ZNF577: variants seen among roughly 807,000 people sequenced by gnomAD.
ZNF577 encodes the protein zinc finger protein 577.
In ZNF577, 14 loss-of-function variants were observed where a neutral mutation model predicts 13.9. The ratio of observed to expected loss-of-function variants is 1.00; its 90% CI spans 0.66 to 1.57. ZNF577 has a LOEUF of 1.57. Ranked by LOEUF, ZNF577 falls within the 40% of genes most tolerant of loss-of-function variation. ZNF577 has a pLI of 0.00. For synonymous variants in ZNF577, 203 were observed against 202.9 expected (o/e 1.00, Z 0.00); for missense variants, 555 against 579.2 (o/e 0.96, Z 0.43).
Position 51,877,305 on chromosome 19 carries a change from G to A in ZNF577, c.260C>T (p.Ala87Val), listed in dbSNP as rs761512637. 11 of 1,613,930 alleles carry A rather than the reference G, an allele frequency of 6.8e-6. No homozygotes were observed. Among genetic ancestry groups the A allele is most frequent in the Non-Finnish European group, 7.6e-6 (9 of 1,179,962 alleles). ...ACCTGGACAGATTTGACTGTGGGCTGCTCCTTCTGCTATCCCTGGGGGTTC... is the reference window on the plus strand; with the variant it reads ...ACCTGGACAGATTTGACTGTGGGCTACTCCTTCTGCTATCCCTGGGGGTTC... Reference protein sequence around the residue: ...QGEPPGIAEGAAHSQICPGFV... With the variant: ...QGEPPGIAEGVAHSQICPGFV... Residue 87 changes from alanine to valine, a missense_variant, in exon 5 of 6, where the codon GCA becomes GTA. Coordinates refer to ENST00000638348, the MANE Select transcript of ZNF577 (RefSeq NM_001370449.1).
At chr19:51,854,394 T>A (rs944624063) in intron 5 of ZNF577, among the ~76,000 whole-genome samples, 1 of 151,714 alleles carries the variant, frequency 6.6e-6, no homozygotes, top group African/African-American at 2.4e-5. Flanking sequence ...AGTGCCACGA[T>A]CATGGCTCAC....
At chr19:51,839,439 C>T (rs77259206) in intron 9 of ZNF577, among the ~76,000 whole-genome samples, 185 of 152,168 alleles carry the variant, frequency 1.2e-3, no homozygotes, top group African/African-American at 4.0e-3. Flanking sequence ...CACACACATA[C>T]CCATACACAT....
chr19:51,883,447 G>A (rs1949965393), intron 1 of ZNF577, among the ~76,000 whole-genome samples: 1 of 152,146 alleles, frequency 6.6e-6, no homozygotes, highest in Non-Finnish European at 1.5e-5. Context: ...TTAACTTGTT[G>A]TTCTCTACCT....
chr19:51,873,277 C>T lies in ZNF577; in HGVS notation c.713G>A (p.Gly238Glu). The change falls in exon 6 of 6, where the codon GGA becomes GAA. Residue 238 changes from glycine (G) to glutamate (E), a missense_variant. Transcript: ENST00000638348. ...QLMVHQRTHT[G>E]EKPYRCSKCG... ...TTTGCTGCATCTGTAGGGTTTCTCT[C>T]CTGTATGGGTTCTCTGATGGACCAT... is the stretch of plus-strand genomic sequence containing the variant. 1 of 1,613,296 alleles carries T rather than the reference C, an allele frequency of 6.2e-7. No homozygotes were observed. The highest frequency in any genetic ancestry group is 8.5e-7 in the Non-Finnish European group (1 of 1,179,306).
chr19:51,873,304 A>T lies in ZNF577; in HGVS notation c.686T>A (p.Leu229His). The T allele has an allele frequency of 1.9e-6, 3 of 1,614,162 alleles. No homozygotes were observed. The highest frequency in any genetic ancestry group is 2.5e-6 in the Non-Finnish European group (3 of 1,180,012). ...TGTATGGGTTCTCTGATGGACCATG[A>T]GCTGTGACTTTCTGGAGAAGGCTTT... ...CGKAFSRKSQLMVHQRTHTGE... is the reference protein window; with the variant it reads ...CGKAFSRKSQHMVHQRTHTGE... Residue 229 changes from leucine (L) to histidine (H), a missense_variant, in exon 6 of 6, where the codon CTC becomes CAC. Leu to His is a moderately conservative substitution (Grantham distance 99). Coordinates refer to ENST00000638348, the MANE Select transcript of ZNF577 (RefSeq NM_001370449.1).
At chr19:51,849,618 A>G (rs1269678102) in intron 5 of ZNF577, among the ~76,000 whole-genome samples, 1 of 152,238 alleles carries the variant, frequency 6.6e-6, no homozygotes, top group East Asian at 1.9e-4. Context: ...AGTCTCAAGC[A>G]TTTTGTTATA....
chr19:51,847,676 C>G (rs182953230), intron 5 of ZNF577, among the ~76,000 whole-genome samples: 1 of 152,280 alleles, frequency 6.6e-6, no homozygotes, highest in African/African-American at 2.4e-5. Context: ...TAAAAGCCCT[C>G]AACAACCCCG....
chr19:51,826,946 T>C (rs2084235192), intron 9 of ZNF577, among the ~76,000 whole-genome samples: 1 of 152,088 alleles, frequency 6.6e-6, no homozygotes, highest in Non-Finnish European at 1.5e-5. Context: ...GAAAAACATC[T>C]CAAAAGACTA....
chr19:51,841,849 A>G (rs4802882), intron 8 of ZNF577, among the ~76,000 whole-genome samples: 11,595 of 152,174 alleles, frequency 0.076, 660 homozygotes, highest in South Asian at 0.22. Context: ...AATCTTTCTG[A>G]TGCCAATCAT....
downstream of ZNF577, among the ~76,000 whole-genome samples, chr19:51,865,238 G>A (rs1194187970): frequency 6.6e-6 from 1 of 152,126 alleles, no homozygotes; most frequent in African/African-American, 2.4e-5. Context: ...TGGGATTACA[G>A]GGCACTCGCC....
chr19:51,805,878 G>A (rs940894679), intron 10 of ZNF577, among the ~76,000 whole-genome samples: 2 of 152,194 alleles, frequency 1.3e-5, no homozygotes, highest in Admixed American at 6.5e-5. Context: ...ATGCAAAGCA[G>A]GTGTGGCAGC....
chr19:51,846,137 C>G (rs1475724260), intron 5 of ZNF577, among the ~76,000 whole-genome samples: 2 of 152,150 alleles, frequency 1.3e-5, no homozygotes, highest in Non-Finnish European at 2.9e-5. Flanking sequence ...CCTCAGCCTC[C>G]TGAGTAGTTG....
chr19:51,839,413 T>G (rs1375874421), intron 9 of ZNF577, among the ~76,000 whole-genome samples: 3 of 152,018 alleles, frequency 2.0e-5, no homozygotes, highest in Non-Finnish European at 4.4e-5. Context: ...AACATAATAA[T>G]AATAAGAAGA....
chr19:51,862,927 C>CT (rs1418694589), downstream of ZNF577: 1 of 152,228 alleles, frequency 6.6e-6, no homozygotes, highest in African/African-American at 2.4e-5. Context: ...TGAATGATTT[C>CT]TTTGACATAA....
chr19:51,862,519 A>C (rs76321035), downstream of ZNF577: 45 of 161,156 alleles, frequency 2.8e-4, no homozygotes, highest in Middle Eastern at 2.5e-3. Flanking sequence ...ATGTATAGTT[A>C]GCTGTGTTCT....
At chr19:51,827,139 A>G (rs924749856) in intron 9 of ZNF577, among the ~76,000 whole-genome samples, 3 of 152,140 alleles carry the variant, frequency 2.0e-5, no homozygotes, top group Non-Finnish European at 4.4e-5. Context: ...AGGGCCTTTC[A>G]TTACTTTTCA....
chr19:51,879,525 C>T (rs528557943), intron 3 of ZNF577, among the ~76,000 whole-genome samples: 46 of 152,166 alleles, frequency 3.0e-4, no homozygotes, highest in African/African-American at 1.1e-3. Flanking sequence ...GCCAAGATTG[C>T]GCCACTGCAC....
intron 5 of ZNF577, among the ~76,000 whole-genome samples, chr19:51,875,814 A>C (rs2084752131): frequency 6.6e-6 from 1 of 152,234 alleles, no homozygotes; most frequent in African/African-American, 2.4e-5. Context: ...AAGTCAGTCA[A>C]ACGTGCAGCA....
intron 3 of ZNF577, among the ~76,000 whole-genome samples, chr19:51,879,345 G>T (rs1214949168): frequency 6.6e-6 from 1 of 152,016 alleles, no homozygotes; most frequent in Non-Finnish European, 1.5e-5. Flanking sequence ...TGAGGCAGGG[G>T]GCTCATGAGG....
Sources: gnomAD v4.1 joint callset for allele counts (sites outside exome capture counted in the v4.1 genomes callset) on GRCh38, gnomAD v4.1.1 for gene constraint, MANE v1.5 for transcripts, NCBI Gene and HGNC (gene_info 2026-07-23, HGNC 2026-07-21) for gene names.